PCCA: variants seen among roughly 807,000 people sequenced by gnomAD.
PCCA encodes propionyl-CoA carboxylase subunit alpha, also known as propionyl-CoA carboxylase alpha chain, mitochondrial.
A neutral mutation model predicts 101.3 loss-of-function variants in PCCA; 74 were observed. The observed-to-expected ratio is 0.73, with a 90% CI of 0.61 to 0.89. The LOEUF is 0.89. Ranked by LOEUF, PCCA falls within the 40% of genes least tolerant of loss-of-function variation. The pLI is 0.00. For missense variants in PCCA, 891 were observed against 907.0 expected (o/e 0.98, Z 0.23); for synonymous variants, 294 against 313.6 (o/e 0.94, Z 0.66).
intron 11 of PCCA, among the ~76,000 whole-genome samples, chr13:100,272,459 C>T (rs1827093910): frequency 6.6e-6 from 1 of 152,106 alleles, no homozygotes; most frequent in African/African-American, 2.4e-5. Context: ...TAAAGCTTAT[C>T]CCACACACAT....
intron 12 of PCCA, among the ~76,000 whole-genome samples, chr13:100,297,511 C>T (rs1053353307): frequency 7.8e-4 from 119 of 152,244 alleles, no homozygotes; most frequent in African/African-American, 2.7e-3. Flanking sequence ...ACCTAATTTA[C>T]CTCACAGTTG....
At chr13:100,189,280 T>TTG (rs2057565294) in intron 6 of PCCA, among the ~76,000 whole-genome samples, 1 of 152,236 alleles carries the variant, frequency 6.6e-6, no homozygotes, top group African/African-American at 2.4e-5. Flanking sequence ...TCTTAATCCA[T>TTG]TCTATCATTG....
intron 12 of PCCA, among the ~76,000 whole-genome samples, chr13:100,281,395 A>T (rs1440260891): frequency 2.0e-5 from 3 of 152,246 alleles, no homozygotes; most frequent in South Asian, 4.1e-4. Flanking sequence ...ATGTGTGTGT[A>T]TAAGACATGA....
intron 6 of PCCA, among the ~76,000 whole-genome samples, chr13:100,203,153 A>G (rs2058633270): frequency 6.6e-6 from 1 of 151,842 alleles, no homozygotes; most frequent in African/African-American, 2.4e-5. Context: ...GCGCGTCTGT[A>G]GTCCCAGCTA....
intron 12 of PCCA, among the ~76,000 whole-genome samples, chr13:100,295,079 G>A (rs1308560047): frequency 6.6e-6 from 1 of 152,138 alleles, no homozygotes; most frequent in African/African-American, 2.4e-5. Context: ...TCATCCTTGA[G>A]TGCTGTGGAT....
At chr13:100,354,408 G>A (rs1405698322) in intron 18 of PCCA, among the ~76,000 whole-genome samples, 1 of 148,340 alleles carries the variant, frequency 6.7e-6, no homozygotes, top group African/African-American at 2.5e-5. Flanking sequence ...AGGGAGGGAG[G>A]GAGAGAAGGA....
At chr13:100,460,864 G>T (rs994358726) in intron 21 of PCCA, among the ~76,000 whole-genome samples, 7 of 152,164 alleles carry the variant, frequency 4.6e-5, no homozygotes, top group Non-Finnish European at 1.0e-4. Context: ...AATTCATCTA[G>T]TTGAATTGTA....
At chr13:100,495,773 CT>C (rs1472606512) in intron 21 of PCCA, among the ~76,000 whole-genome samples, 1 of 152,158 alleles carries the variant, frequency 6.6e-6, no homozygotes, top group Non-Finnish European at 1.5e-5. Flanking sequence ...TAATCCTACA[CT>C]TATTTTTTTC....
At chr13:100,116,007 A>T (rs2048762614) in intron 4 of PCCA, among the ~76,000 whole-genome samples, 1 of 152,144 alleles carries the variant, frequency 6.6e-6, no homozygotes, top group South Asian at 2.1e-4. Context: ...TTTCATTTAA[A>T]CCTCAACAGT....
At chr13:100,330,216 A>G (rs2152733132) in intron 16 of PCCA, among the ~76,000 whole-genome samples, 1 of 152,342 alleles carries the variant, frequency 6.6e-6, no homozygotes, top group Admixed American at 6.5e-5. Context: ...TCTCATTGAG[A>G]AAAAGGAGCT....
At chr13:100,462,000 G>A (rs1596004708) in intron 21 of PCCA, among the ~76,000 whole-genome samples, 1 of 152,172 alleles carries the variant, frequency 6.6e-6, no homozygotes, top group Non-Finnish European at 1.5e-5. Context: ...TAGGAAGCAG[G>A]TGGCGGTCAC....
chr13:100,102,965 G>C lies in PCCA; in HGVS notation c.183+5G>C. 6.5e-7 allele frequency: 1 copy of C among 1,548,914 alleles called. No individual in the cohort carries two copies. Among genetic ancestry groups the C allele is most frequent in the Non-Finnish European group, 8.9e-7 (1 of 1,120,878 alleles). On this transcript the variant is annotated splice_donor_5th_base_variant and intron_variant, in intron 2 of 23. Transcript: ENST00000376285. ...GGATATGATCCTAATGAAAAAGTAA[G>C]TATTTAAAAGATATTCTCAACAACT...
At chr13:100,216,152 A>G (rs1341151732) in intron 7 of PCCA, among the ~76,000 whole-genome samples, 2 of 151,482 alleles carry the variant, frequency 1.3e-5, no homozygotes, top group Non-Finnish European at 2.9e-5. Flanking sequence ...ACAGAACCCA[A>G]GGATATAGAG....
At chr13:100,393,417 C>CTTTTTT (rs11459500) in intron 19 of PCCA, among the ~76,000 whole-genome samples, 1 of 113,696 alleles carries the variant, frequency 8.8e-6, no homozygotes, top group South Asian at 3.1e-4. Flanking sequence ...ACTGAAGAGT[C>CTTTTTT]TTTTTTTTTT....
chr13:100,362,626 A>G (rs943448392), intron 18 of PCCA, among the ~76,000 whole-genome samples: 1 of 152,158 alleles, frequency 6.6e-6, no homozygotes, highest in African/African-American at 2.4e-5. Context: ...CCCAGTGTCT[A>G]AATTGAGAAC....
At chr13:100,192,748 T>C (rs141407791) in intron 6 of PCCA, among the ~76,000 whole-genome samples, 37 of 152,272 alleles carry the variant, frequency 2.4e-4, no homozygotes, top group South Asian at 6.2e-4. Flanking sequence ...TTCCTAAATA[T>C]TTAAATGTTT....
intron 6 of PCCA, among the ~76,000 whole-genome samples, chr13:100,163,591 T>G (rs1880970657): frequency 6.6e-6 from 1 of 152,206 alleles, no homozygotes; most frequent in African/African-American, 2.4e-5. Context: ...GTGTATTTTC[T>G]TAAATAGCAG....
At chr13:100,165,933 A>C (rs2054993394) in intron 6 of PCCA, among the ~76,000 whole-genome samples, 1 of 152,230 alleles carries the variant, frequency 6.6e-6, no homozygotes, top group South Asian at 2.1e-4. Flanking sequence ...ACCAGAGTTC[A>C]TTATTCATTT....
intron 22 of PCCA, among the ~76,000 whole-genome samples, chr13:100,527,071 T>A (rs1312686638): frequency 6.6e-6 from 1 of 151,754 alleles, no homozygotes; most frequent in African/African-American, 2.4e-5. Flanking sequence ...TCCCCGGGAC[T>A]ATAGACAGAA....
Sources: allele counts gnomAD v4.1 joint callset (sites outside exome capture counted in the v4.1 genomes callset), GRCh38; gene constraint gnomAD v4.1.1; transcripts MANE v1.5; gene names NCBI Gene and HGNC (gene_info 2026-07-23, HGNC 2026-07-21).